Variants in SOX6 observed in about 807,000 individuals in gnomAD.
The protein encoded by SOX6 is SRY-box transcription factor 6.
SOX6 carries 11 observed loss-of-function variants against 97.8 expected under a neutral mutation model. The observed-to-expected ratio is 0.11, with a 90% CI of 0.07 to 0.19. The LOEUF is 0.19. SOX6 is among the 10% of genes least tolerant of loss of function. The pLI, the probability that SOX6 is intolerant of heterozygous loss-of-function variation, is 1.00. For missense variants in SOX6, 810 were observed against 1,039.5 expected, an observed-to-expected ratio of 0.78 and a Z score of 3.04; for synonymous variants, 360 against 371.4, an observed-to-expected ratio of 0.97 and a Z score of 0.35.
intron 1 of SOX6, among the ~76,000 whole-genome samples, chr11:16,375,852 A>G (rs1176972503): frequency 6.6e-6 from 1 of 152,180 alleles, no homozygotes; most frequent in Non-Finnish European, 1.5e-5. Flanking sequence ...CTATGCAGCC[A>G]TAAAAAAGGA....
chr11:16,429,921 A>G (rs1192635264), intron 1 of SOX6, among the ~76,000 whole-genome samples: 1 of 152,192 alleles, frequency 6.6e-6, no homozygotes, highest in African/African-American at 2.4e-5. Flanking sequence ...AAGCTCTGCT[A>G]TGTCTTAGTA....
At chr11:15,980,881 G>C (rs1407674702) in intron 15 of SOX6, among the ~76,000 whole-genome samples, 1 of 152,066 alleles carries the variant, frequency 6.6e-6, no homozygotes, top group Non-Finnish European at 1.5e-5. Flanking sequence ...GTGTGTATGT[G>C]TGTGTATAAG....
intron 4 of SOX6, among the ~76,000 whole-genome samples, chr11:16,212,445 A>T (rs1852258162): frequency 6.6e-6 from 1 of 152,062 alleles, no homozygotes; most frequent in African/African-American, 2.4e-5. Context: ...ATATAATTTT[A>T]TGTCTTTCAT....
chr11:16,245,494 C>G (rs1309413128), intron 3 of SOX6, among the ~76,000 whole-genome samples: 1 of 151,592 alleles, frequency 6.6e-6, no homozygotes, highest in African/African-American at 2.4e-5. Flanking sequence ...TTTCTGTCTA[C>G]TTGTTTTATC....
At chr11:16,407,944 C>T (rs1186142071) in intron 1 of SOX6, among the ~76,000 whole-genome samples, 1 of 151,978 alleles carries the variant, frequency 6.6e-6, no homozygotes, top group African/African-American at 2.4e-5. Flanking sequence ...TTCCACATTC[C>T]TTTACAACTT....
intron 4 of SOX6, among the ~76,000 whole-genome samples, chr11:16,210,293 TA>T (rs1852184700): frequency 6.6e-6 from 1 of 152,162 alleles, no homozygotes; most frequent in South Asian, 2.1e-4. Context: ...TAGAGTGTAA[TA>T]TCATGTGGCA....
intron 3 of SOX6, among the ~76,000 whole-genome samples, chr11:16,625,096 G>A (rs1254101943): frequency 6.6e-6 from 1 of 152,054 alleles, no homozygotes; most frequent in East Asian, 1.9e-4. Context: ...TCTTAACAAT[G>A]TATTTTGATG....
At chr11:16,298,018 AAC>A (rs1332459514) in intron 3 of SOX6, among the ~76,000 whole-genome samples, 1 of 152,160 alleles carries the variant, frequency 6.6e-6, no homozygotes, top group Non-Finnish European at 1.5e-5. Context: ...GAGGCAGAAA[AAC>A]ACATAAAAGC....
At chr11:16,160,696 C>A (rs1176639474) in intron 6 of SOX6, among the ~76,000 whole-genome samples, 1 of 152,116 alleles carries the variant, frequency 6.6e-6, no homozygotes, top group Non-Finnish European at 1.5e-5. Flanking sequence ...AAGAATGTTT[C>A]ATTTTCTTAA....
intron 1 of SOX6, among the ~76,000 whole-genome samples, chr11:16,461,368 C>G (rs976416882): frequency 6.6e-6 from 1 of 152,052 alleles, no homozygotes; most frequent in African/African-American, 2.4e-5. Flanking sequence ...ATTAATTTTT[C>G]AAAAGCGAAG....
chr11:16,305,750 T>A (rs1855409974), intron 3 of SOX6, among the ~76,000 whole-genome samples: 1 of 152,174 alleles, frequency 6.6e-6, no homozygotes, highest in Non-Finnish European at 1.5e-5. Context: ...CTTCTTAAAA[T>A]TTTGTTTGTA....
At chr11:16,559,356 T>C (rs544699139) in intron 4 of SOX6, among the ~76,000 whole-genome samples, 142 of 151,186 alleles carry the variant, frequency 9.4e-4, no homozygotes, top group African/African-American at 3.4e-3. Flanking sequence ...TCTAAAGACT[T>C]TCAAGTTTCA....
At chr11:16,193,184 T>A (rs1169355829) in intron 4 of SOX6, among the ~76,000 whole-genome samples, 1 of 151,970 alleles carries the variant, frequency 6.6e-6, no homozygotes, top group Non-Finnish European at 1.5e-5. Context: ...TAAATTAAAT[T>A]TTGTGCATTT....
At chr11:16,139,496 C>T (rs1850071568) in intron 6 of SOX6, among the ~76,000 whole-genome samples, 1 of 152,302 alleles carries the variant, frequency 6.6e-6, no homozygotes, top group Middle Eastern at 3.4e-3. Flanking sequence ...CCATTATTAT[C>T]ATTTTTGATG....
chr11:16,022,210 T>C (rs1855079083), intron 12 of SOX6, among the ~76,000 whole-genome samples: 1 of 151,946 alleles, frequency 6.6e-6, no homozygotes, highest in Non-Finnish European at 1.5e-5. Context: ...GCTAAGTATC[T>C]CAAAGCTAAA....
At chr11:16,069,379 T>C (rs938153058) in intron 9 of SOX6, among the ~76,000 whole-genome samples, 3 of 152,196 alleles carry the variant, frequency 2.0e-5, no homozygotes, top group Non-Finnish European at 4.4e-5. Context: ...TCTCGTTGTG[T>C]TCTGTTCTCT....
intron 6 of SOX6, among the ~76,000 whole-genome samples, chr11:16,121,572 A>AC (rs1442739075): frequency 6.6e-6 from 1 of 152,030 alleles, no homozygotes. Context: ...TTTTCAGCTT[A>AC]CTTTGGAATA....
chr11:16,047,701 C>CGTGTGTGTGT lies in SOX6; in HGVS notation c.1436-1010_1436-1001dup, dbSNP rs68008241. The stretch of plus-strand genomic sequence containing the variant: ...GAGGGCTCGTATAATCATTTCATAG[C>CGTGTGTGTGT]GTGTGTGTGTGTGTGTGTGTGTGTG... On this transcript the variant is annotated intron_variant, in intron 11 of 15. Coordinates refer to ENST00000683767, the MANE Select transcript of SOX6 (RefSeq NM_001367873.1). 2.2e-4 allele frequency among the ~76,000 whole-genome samples: 32 copies of CGTGTGTGTGT among 146,014 alleles called. 1 individual carries two copies. The highest frequency in any genetic ancestry group is 6.6e-4 in the African/African-American group (26 of 39,470).
intron 3 of SOX6, among the ~76,000 whole-genome samples, chr11:16,282,192 A>G (rs989055207): frequency 6.6e-6 from 1 of 151,044 alleles, no homozygotes; most frequent in African/African-American, 2.4e-5. Context: ...CTCAAATAAA[A>G]TGCCTTATAT....
Sources: allele counts gnomAD v4.1 joint callset (sites outside exome capture counted in the v4.1 genomes callset), GRCh38; gene constraint gnomAD v4.1.1; transcripts MANE v1.5; gene names NCBI Gene and HGNC (gene_info 2026-07-23, HGNC 2026-07-21).